MYPOP: variants seen among roughly 807,000 people sequenced by gnomAD.
MYPOP encodes the protein myb-related transcription factor, partner of profilin.
MYPOP carries 21 observed loss-of-function variants against 25.7 expected under a neutral mutation model. The ratio of observed to expected loss-of-function variants is 0.82; its 90% CI spans 0.58 to 1.18. The LOEUF (loss-of-function observed/expected upper bound fraction) is 1.18. Ranked by LOEUF, MYPOP falls within the 50% of genes most tolerant of loss-of-function variation. The pLI, the probability that MYPOP is intolerant of heterozygous loss-of-function variation, is 0.00. For missense variants in MYPOP, 566 were observed against 588.3 expected (o/e 0.96, Z 0.39); for synonymous variants, 280 against 247.9 (o/e 1.13, Z -1.22).
chr19:45,898,385 C>T lies in MYPOP; in HGVS notation c.499+2890G>A, dbSNP rs537077232. 4.2e-3 allele frequency among the ~76,000 whole-genome samples: 636 copies of T among 151,778 alleles called. 3 individuals are homozygous for T. Among genetic ancestry groups the T allele is most frequent in the Admixed American group, 0.01 (158 of 15,246 alleles). ...TTGCCCAGGCTGAAGTGCAATGGCG[C>T]GATCATGGCTCACTGCAACCTCTGC... On this transcript the variant is annotated intron_variant, in intron 2 of 2. Coordinates refer to ENST00000322217, the MANE Select transcript of MYPOP (RefSeq NM_001012643.4).
At chr19:45,897,480 G>A (rs751158946) in intron 2 of MYPOP, among the ~76,000 whole-genome samples, 10 of 152,300 alleles carry the variant, frequency 6.6e-5, no homozygotes, top group Admixed American at 2.0e-4. Context: ...AGTCTACTGA[G>A]TAAAAAGGAA....
chr19:45,901,734 G>T lies in MYPOP; in HGVS notation c.40C>A (p.Arg14=). 2.6e-6 allele frequency: 4 copies of T among 1,543,918 alleles called. No homozygotes were observed. Among genetic ancestry groups the T allele is most frequent in the Non-Finnish European group, 2.6e-6 (3 of 1,148,768 alleles). The change falls in exon 2 of 3, where the codon CGG becomes AGG. Residue 14 remains arginine, a synonymous_variant. Transcript: ENST00000322217. The surrounding 1 kb of genome is among the most constrained non-coding windows in gnomAD (Gnocchi z 5.7). ...AATGAGAAGCGCGGCTTGCGCAACCGGGTGGTTTCCTCCGCTTCGCCCGCC... is the reference window on the plus strand; with the variant it reads ...AATGAGAAGCGCGGCTTGCGCAACCTGGTGGTTTCCTCCGCTTCGCCCGCC... ...AAAGEAEETT[R]LRKPRFSFEE...
At position 45,890,352 on chromosome 19, in the gene MYPOP, G is replaced by C. The variant is rs574863044; in HGVS notation, c.*271C>G. The C allele has an allele frequency of 2.5e-6, 1 of 402,866 alleles. No individual in the cohort carries two copies. The highest frequency in any genetic ancestry group is 4.4e-6 in the Non-Finnish European group (1 of 226,914). The allele number at this position is 402,866 out of a possible 1,614,324, so 25.0% of individuals were successfully genotyped here. A position where few individuals can be genotyped will look rare whatever the true frequency, so the allele number is the denominator to read the frequency against. The stretch of plus-strand genomic sequence containing the variant: ...AGAGGTTCCCTCCCCACCCCACATA[G>C]GGCAATAATAAATAACATGAAATTG... On this transcript the variant is annotated 3_prime_UTR_variant, in exon 3 of 3. Coordinates refer to ENST00000322217, the MANE Select transcript of MYPOP (RefSeq NM_001012643.4).
rs1411398749 is a variant in MYPOP, at chr19:45,901,342, C to T, written c.432G>A (p.Pro144=). Residue 144 remains proline (P), a synonymous_variant, in exon 2 of 3, where the codon CCG becomes CCA. Transcript: ENST00000322217. This position sits in a 1 kb window ranked among gnomAD's most constrained non-coding sequence, Gnocchi z 5.7. The part of the protein sequence containing the change: ...EEPPAAPSSQ[P]PPPSACPQRY... Reference sequence around the variant, plus strand: ...GCTGAGGGCAGGCGCTTGGGGGCGGCGGCTGTGAAGAGGGGGCCGCAGGGG... The same window carrying T: ...GCTGAGGGCAGGCGCTTGGGGGCGGTGGCTGTGAAGAGGGGGCCGCAGGGG... 25 of 1,459,098 alleles carry T rather than the reference C, an allele frequency of 1.7e-5. No individual in the cohort carries two copies. Among genetic ancestry groups the T allele is most frequent in the East Asian group, 1.3e-4 (5 of 38,964 alleles). 90.4% of individuals were successfully genotyped at this position (1,459,098 alleles called of 1,614,324 possible).
At position 45,890,254 on chromosome 19, in the gene MYPOP, G is replaced by C. The variant is rs1265881678; in HGVS notation, c.*369C>G. The C allele has an allele frequency of 5.1e-6, 1 of 194,372 alleles. No homozygotes were observed. Among genetic ancestry groups the C allele is most frequent in the Non-Finnish European group, 1.0e-5 (1 of 95,586 alleles). The allele number at this position is 194,372 out of a possible 1,614,324, so 12.0% of individuals were successfully genotyped here. On this transcript the variant is annotated 3_prime_UTR_variant, in exon 3 of 3. Coordinates refer to ENST00000322217, the MANE Select transcript of MYPOP (RefSeq NM_001012643.4). ...TCCAAAGTCTGGGTTGGGGAGGTGG[G>C]GAGTCCCCCACGGGTCAATTCTCTT...
chr19:45,891,748 C>T (rs1967129737), intron 2 of MYPOP, among the ~76,000 whole-genome samples: 1 of 150,210 alleles, frequency 6.7e-6, no homozygotes, highest in Non-Finnish European at 1.5e-5. Context: ...CCAGAATGAT[C>T]CTTTTAAAAC....
chr19:45,891,708 G>A (rs576313798), intron 2 of MYPOP, among the ~76,000 whole-genome samples: 2 of 152,216 alleles, frequency 1.3e-5, no homozygotes, highest in South Asian at 4.2e-4. Flanking sequence ...AAAGTGCTGG[G>A]ATTCCAGGTG....
At chr19:45,892,172 C>T (rs1196035869) in intron 2 of MYPOP, among the ~76,000 whole-genome samples, 4 of 151,900 alleles carry the variant, frequency 2.6e-5, no homozygotes, top group African/African-American at 4.8e-5. Context: ...CCACCCACCT[C>T]GGCCTCCCAA....
intron 2 of MYPOP, among the ~76,000 whole-genome samples, chr19:45,899,798 G>A (rs1024869475): frequency 3.9e-5 from 6 of 152,052 alleles, no homozygotes; most frequent in African/African-American, 1.2e-4. Flanking sequence ...CCAAGATTTC[G>A]CCACTGCACT....
chr19:45,901,515 T>A lies in MYPOP; in HGVS notation c.259A>T (p.Thr87Ser). The change falls in exon 2 of 3, where the codon ACC becomes TCC. Residue 87 changes from threonine (T) to serine (S), a missense_variant. Coordinates refer to ENST00000322217, the MANE Select transcript of MYPOP (RefSeq NM_001012643.4). This position sits in a 1 kb window ranked among gnomAD's most constrained non-coding sequence, Gnocchi z 5.7. ...QKRWNDFKRR[T>S]KEKLARVPHS... Reference sequence around the variant, plus strand: ...GGCACGCGAGCGAGCTTCTCCTTGGTGCGGCGCTTGAAGTCGTTCCAGCGC... The same window carrying A: ...GGCACGCGAGCGAGCTTCTCCTTGGAGCGGCGCTTGAAGTCGTTCCAGCGC... The A allele has an allele frequency of 6.2e-7, 1 of 1,611,656 alleles. No individual in the cohort carries two copies.
Position 45,901,760 on chromosome 19 carries a change from G to T in MYPOP, c.14C>A (p.Ala5Glu). The change falls in exon 2 of 3, where the codon GCG becomes GAG. Residue 5 changes from alanine to glutamate, a missense_variant. Ala to Glu is a moderately radical substitution (Grantham distance 107). Transcript: ENST00000322217. This position sits in a 1 kb window ranked among gnomAD's most constrained non-coding sequence, Gnocchi z 5.7. MASA[A>E]AGEAEETTRL... ...GGTGGTTTCCTCCGCTTCGCCCGCC[G>T]CCGCCGAGGCCATGGCGCCCCCCGA... is the stretch of plus-strand genomic sequence containing the variant. The T allele has an allele frequency of 6.8e-7, 1 of 1,469,826 alleles. No individual in the cohort carries two copies. The highest frequency in any genetic ancestry group is 9.0e-7 in the Non-Finnish European group (1 of 1,112,590). The allele number at this position is 1,469,826 out of a possible 1,614,324, so 91.0% of individuals were successfully genotyped here.
Position 45,901,314 on chromosome 19 carries a change from AGC to A in MYPOP, c.458_459del (p.Arg153LeufsTer48), listed in dbSNP as rs1967286850. 24 of 1,459,434 alleles carry A rather than the reference AGC, an allele frequency of 1.6e-5. No homozygotes were observed. The highest frequency in any genetic ancestry group is 1.9e-5 in the Non-Finnish European group (21 of 1,107,298). 90.4% of individuals were successfully genotyped at this position (1,459,434 alleles called of 1,614,324 possible). On this transcript the variant is annotated frameshift_variant, in exon 2 of 3. Transcript: ENST00000322217. LOFTEE classifies it high-confidence loss of function. This position sits in a 1 kb window ranked among gnomAD's most constrained non-coding sequence, Gnocchi z 5.7. ...QPPPPSACPQ[R>X]YVLSEDRRED... is the part of the protein sequence containing the mutation. ...TCCCGGCGGTCTTCCGACAACACGT[AGC>A]GCTGAGGGCAGGCGCTTGGGGGCGG...
chr19:45,899,182 C>A (rs1016959844), intron 2 of MYPOP, among the ~76,000 whole-genome samples: 1 of 152,116 alleles, frequency 6.6e-6, no homozygotes, highest in Non-Finnish European at 1.5e-5. Flanking sequence ...GCCGAGATTG[C>A]GCCATTTCAC....
chr19:45,901,235 G>C lies in MYPOP; in HGVS notation c.499+40C>G. The C allele has an allele frequency of 1.4e-6, 2 of 1,406,550 alleles. No homozygotes were observed. The highest frequency in any genetic ancestry group is 1.6e-5 in the South Asian group (1 of 61,778). The allele number at this position is 1,406,550 out of a possible 1,614,324, so 87.1% of individuals were successfully genotyped here. On this transcript the variant is annotated intron_variant, in intron 2 of 2. Transcript: ENST00000322217. This position sits in a 1 kb window ranked among gnomAD's most constrained non-coding sequence, Gnocchi z 5.7. ...CTTTGATGAGACATGTAAAAGGCTT[G>C]CAACAGCGCAGGCACACAGCCTACT... is the stretch of plus-strand genomic sequence containing the variant.
rs764855498 is a variant in MYPOP, at chr19:45,891,248, C to G, written c.575G>C (p.Gly192Ala). Residue 192 changes from glycine (G) to alanine (A), a missense_variant, in exon 3 of 3, where the codon GGG becomes GCG. Coordinates refer to ENST00000322217, the MANE Select transcript of MYPOP (RefSeq NM_001012643.4). The stretch of plus-strand genomic sequence containing the variant: ...ACGCTCCTTGGGCCGTGGGCAGCCC[C>G]CTTCCTGGGGAGTGCAGGAGGGCCG... ...WARPSCTPQE[G>A]GCPRPKERES... is the part of the protein sequence containing the mutation. The G allele has an allele frequency of 2.6e-6, 4 of 1,550,182 alleles. No homozygotes were observed. Among genetic ancestry groups the G allele is most frequent in the South Asian group, 1.2e-5 (1 of 84,200 alleles).
At position 45,901,339 on chromosome 19, in the gene MYPOP, C is replaced by T. The variant is rs370151121; in HGVS notation, c.435G>A (p.Pro145=). The change falls in exon 2 of 3, where the codon CCG becomes CCA. Residue 145 remains proline, a synonymous_variant. Transcript: ENST00000322217. This position sits in a 1 kb window ranked among gnomAD's most constrained non-coding sequence, Gnocchi z 5.7. ...AGCGCTGAGGGCAGGCGCTTGGGGG[C>T]GGCGGCTGTGAAGAGGGGGCCGCAG... ...EPPAAPSSQP[P]PPSACPQRYV... 47 of 1,457,778 alleles carry T rather than the reference C, an allele frequency of 3.2e-5. No homozygotes were observed. Among genetic ancestry groups the T allele is most frequent in the Non-Finnish European group, 4.1e-5 (45 of 1,106,088 alleles). 90.3% of individuals were successfully genotyped at this position (1,457,778 alleles called of 1,614,324 possible).
Position 45,901,853 on chromosome 19 carries a change from C to T in MYPOP, c.-52-28G>A. ...GCGGGCAAAGGGCGCACGGGGCTGG[C>T]TGGGGTTCGGGGTCCCCCCGCCGCC... is the stretch of plus-strand genomic sequence containing the variant. On this transcript the variant is annotated intron_variant, in intron 1 of 2. Transcript: ENST00000322217. This position sits in a 1 kb window ranked among gnomAD's most constrained non-coding sequence, Gnocchi z 5.7. 1.7e-6 allele frequency: 2 copies of T among 1,184,068 alleles called. No individual in the cohort carries two copies. The highest frequency in any genetic ancestry group is 2.1e-6 in the Non-Finnish European group (2 of 934,502). The allele number at this position is 1,184,068 out of a possible 1,614,324, so 73.3% of individuals were successfully genotyped here. A position where few individuals can be genotyped will look rare whatever the true frequency, so the allele number is the denominator to read the frequency against.
intron 2 of MYPOP, among the ~76,000 whole-genome samples, chr19:45,895,873 G>A (rs1409920147): frequency 6.6e-6 from 1 of 151,938 alleles, no homozygotes; most frequent in Non-Finnish European, 1.5e-5. Flanking sequence ...TTTTTTGGAT[G>A]TTCCTTCCTC....
rs1038428283 is a variant in MYPOP, at chr19:45,901,041, C to T, written c.499+234G>A. Among the ~76,000 whole-genome samples the T allele has an allele frequency of 6.6e-6, 1 of 152,198 alleles. No individual in the cohort carries two copies. Among genetic ancestry groups the T allele is most frequent in the Non-Finnish European group, 1.5e-5 (1 of 68,036 alleles). Reference sequence around the variant, plus strand: ...AATGAAATCCTGCCTGTGCTGATGACCCCAGGTGTGGACCTGAGTCAGGCC... The same window carrying T: ...AATGAAATCCTGCCTGTGCTGATGATCCCAGGTGTGGACCTGAGTCAGGCC... On this transcript the variant is annotated intron_variant, in intron 2 of 2. Transcript: ENST00000322217. This position sits in a 1 kb window ranked among gnomAD's most constrained non-coding sequence, Gnocchi z 5.7.
Sources: gnomAD v4.1 joint callset for allele counts (sites outside exome capture counted in the v4.1 genomes callset) on GRCh38, gnomAD v4.1.1 for gene constraint, Gnocchi (gnomAD v3.1) non-coding constraint, MANE v1.5 for transcripts, NCBI Gene and HGNC (gene_info 2026-07-23, HGNC 2026-07-21) for gene names.